Variants in OPCML observed in about 807,000 individuals in gnomAD.
OPCML encodes opioid-binding protein/cell adhesion molecule.
In OPCML, 13 loss-of-function variants were observed where a neutral mutation model predicts 37.8. The ratio of observed to expected loss-of-function variants is 0.34; its 90% confidence interval spans 0.22 to 0.55. The LOEUF (loss-of-function observed/expected upper bound fraction) is 0.55, where lower values mean the gene tolerates loss of function less well. Among genes scored for constraint, OPCML ranks in the 20% least tolerant of loss-of-function variants. OPCML has a pLI of 0.91. For synonymous variants in OPCML, 176 were observed against 168.8 expected (o/e 1.04, Z -0.33); for missense variants, 341 against 435.6 (o/e 0.78, Z 1.93).
chr11:133,196,526 G>C (rs1938542020), intron 1 of OPCML, among the ~76,000 whole-genome samples: 1 of 152,074 alleles, frequency 6.6e-6, no homozygotes, highest in African/African-American at 2.4e-5. Flanking sequence ...ATACCAGAGG[G>C]GATAGGTTGG....
chr11:133,122,695 C>T (rs570917944), intron 1 of OPCML, among the ~76,000 whole-genome samples: 5 of 152,274 alleles, frequency 3.3e-5, no homozygotes, highest in African/African-American at 7.2e-5. Flanking sequence ...CACAACTCAG[C>T]GTTGATTTAC....
intron 1 of OPCML, among the ~76,000 whole-genome samples, chr11:133,053,827 T>G (rs967907069): frequency 1.3e-5 from 2 of 152,090 alleles, no homozygotes; most frequent in African/African-American, 4.8e-5. Flanking sequence ...ACACCTCTAT[T>G]CCCAATCCCT....
rs115484715 is a variant in OPCML, at chr11:133,226,327, G to A, written c.62-283317C>T. Among the ~76,000 whole-genome samples the A allele has an allele frequency of 4.8e-3, 737 of 152,330 alleles. 2 individuals are homozygous for A. The highest frequency in any genetic ancestry group is 0.017 in the African/African-American group (689 of 41,578). On this transcript the variant is annotated intron_variant, in intron 1 of 7. Transcript: ENST00000524381. ...TATAATCTGTGGTTCTAAAAATGCC[G>A]TGATTCGTATTTATGGTTTTGGGGG... is the stretch of plus-strand genomic sequence containing the variant.
intron 1 of OPCML, among the ~76,000 whole-genome samples, chr11:133,039,480 C>A (rs1947844608): frequency 6.6e-6 from 1 of 152,154 alleles, no homozygotes. Context: ...ATGTGCACTC[C>A]CTGTCCCCTC....
At chr11:132,725,309 C>G (rs896739899) in intron 2 of OPCML, among the ~76,000 whole-genome samples, 1 of 152,230 alleles carries the variant, frequency 6.6e-6, no homozygotes, top group African/African-American at 2.4e-5. Flanking sequence ...GAAATCACAG[C>G]CCAAACTCTA....
chr11:132,577,632 T>A (rs1427408963), intron 3 of OPCML, among the ~76,000 whole-genome samples: 1 of 152,156 alleles, frequency 6.6e-6, no homozygotes, highest in Non-Finnish European at 1.5e-5. Flanking sequence ...TTGCAAATAA[T>A]GTGATGATCG....
chr11:133,383,694 CAAAT>C (rs901382403), intron 1 of OPCML, among the ~76,000 whole-genome samples: 5 of 152,080 alleles, frequency 3.3e-5, no homozygotes, highest in Admixed American at 2.0e-4. Context: ...AAGCATCAGA[CAAAT>C]AAACATCATT....
At position 133,184,659 on chromosome 11, in the gene OPCML, C is replaced by T. The variant is rs573143862; in HGVS notation, c.62-241649G>A. ...AACTATCTACTTAGAGTAATTAAGA[C>T]GGGGAAGTCTACTTCCGTTCAGTAG... On this transcript the variant is annotated intron_variant, in intron 1 of 7. Coordinates refer to ENST00000524381, the MANE Select transcript of OPCML (RefSeq NM_001012393.5). Among the ~76,000 whole-genome samples, 17 of 152,218 alleles carry T rather than the reference C, an allele frequency of 1.1e-4. No homozygotes were observed. The South Asian group carries it at 3.1e-3, about 28-fold the overall frequency.
intron 1 of OPCML, among the ~76,000 whole-genome samples, chr11:133,263,778 G>T (rs1941564621): frequency 6.6e-6 from 1 of 152,144 alleles, no homozygotes; most frequent in Non-Finnish European, 1.5e-5. Flanking sequence ...CTCAAAAAGA[G>T]AAAACAGGAG....
intron 1 of OPCML, among the ~76,000 whole-genome samples, chr11:133,204,884 A>ATATATATGTG (rs1555114211): frequency 1.3e-3 from 46 of 36,268 alleles, no homozygotes; most frequent in Middle Eastern, 0.02. Flanking sequence ...ATATATATAT[A>ATATATATGTG]TATATATATA....
chr11:132,946,504 C>G (rs1437145936), intron 1 of OPCML, among the ~76,000 whole-genome samples: 1 of 152,198 alleles, frequency 6.6e-6, no homozygotes, highest in East Asian at 1.9e-4. Context: ...CTGAGTAACA[C>G]TTTGAGCTAA....
At chr11:132,659,960 T>A (rs895143145) in intron 2 of OPCML, among the ~76,000 whole-genome samples, 1 of 152,216 alleles carries the variant, frequency 6.6e-6, no homozygotes, top group African/African-American at 2.4e-5. Context: ...ATACAGAGAT[T>A]GAAATTTAAA....
intron 2 of OPCML, among the ~76,000 whole-genome samples, chr11:132,907,351 G>A (rs916750108): frequency 6.6e-6 from 1 of 152,078 alleles, no homozygotes; most frequent in Non-Finnish European, 1.5e-5. Flanking sequence ...TCCTTTGTCT[G>A]CTTCAAGAAA....
Position 133,157,214 on chromosome 11 carries a change from C to T in OPCML, c.62-214204G>A, listed in dbSNP as rs182268251. On this transcript the variant is annotated intron_variant, in intron 1 of 7. Transcript: ENST00000524381. ...CGCACACGGTGTACTGCGGGCACCACGGGCAGGCTGTCATCATTATGAAAA... is the reference window on the plus strand; with the variant it reads ...CGCACACGGTGTACTGCGGGCACCATGGGCAGGCTGTCATCATTATGAAAA... 1.2e-3 allele frequency among the ~76,000 whole-genome samples: 188 copies of T among 152,278 alleles called. 1 individual carries two copies. Among genetic ancestry groups the T allele is most frequent in the Non-Finnish European group, 1.9e-3 (129 of 68,024 alleles).
At chr11:132,835,594 A>G (rs1439673465) in intron 2 of OPCML, among the ~76,000 whole-genome samples, 2 of 152,270 alleles carry the variant, frequency 1.3e-5, no homozygotes, top group East Asian at 1.9e-4. Flanking sequence ...GGGGAATGTC[A>G]TCTGTCTCTA....
At chr11:132,839,578 A>G (rs1182154016) in intron 2 of OPCML, among the ~76,000 whole-genome samples, 1 of 152,190 alleles carries the variant, frequency 6.6e-6, no homozygotes, top group Non-Finnish European at 1.5e-5. Context: ...AAATGAGGAC[A>G]AGGCTGGAGA....
At chr11:132,911,377 A>G (rs1408190049) in intron 2 of OPCML, among the ~76,000 whole-genome samples, 1 of 152,260 alleles carries the variant, frequency 6.6e-6, no homozygotes, top group Non-Finnish European at 1.5e-5. Flanking sequence ...TCTATGGTGC[A>G]GAAAGAGACA....
At chr11:133,189,710 A>G (rs767086352) in intron 1 of OPCML, among the ~76,000 whole-genome samples, 2 of 152,196 alleles carry the variant, frequency 1.3e-5, no homozygotes, top group East Asian at 3.9e-4. Context: ...ACTTTATCAC[A>G]TAACACACAA....
At chr11:132,431,691 T>C (rs77195383) in intron 7 of OPCML, among the ~76,000 whole-genome samples, 2,891 of 152,324 alleles carry the variant, frequency 0.019, 100 homozygotes, top group African/African-American at 0.065. Context: ...CTGCATTCTT[T>C]CAAAATTGCT....
Sources: allele counts gnomAD v4.1 joint callset (sites outside exome capture counted in the v4.1 genomes callset), GRCh38; gene constraint gnomAD v4.1.1; transcripts MANE v1.5; gene names NCBI Gene and HGNC (gene_info 2026-07-23, HGNC 2026-07-21).